Variants in LPP observed in about 807,000 individuals in gnomAD.
LPP encodes lipoma-preferred partner.
Under a neutral mutation model 60.4 loss-of-function variants are expected in LPP, and 38 were observed. The ratio of observed to expected loss-of-function variants is 0.63; its 90% CI spans 0.49 to 0.83. LPP has a LOEUF of 0.83. Among genes scored for constraint, LPP ranks in the 40% least tolerant of loss-of-function variants. The probability of loss-of-function intolerance (pLI) is 0.00; values close to 1 mark genes in which losing one functional copy is unlikely to be tolerated. For synonymous variants in LPP, 328 were observed against 290.8 expected, an observed-to-expected ratio of 1.13 and a Z score of -1.30; for missense variants, 902 against 783.6, an observed-to-expected ratio of 1.15 and a Z score of -1.80.
intron 4 of LPP, among the ~76,000 whole-genome samples, chr3:188,440,708 G>A (rs78606996): frequency 0.013 from 1,942 of 152,214 alleles, 22 homozygotes; most frequent in Admixed American, 0.019. Flanking sequence ...ATCTTAATTA[G>A]TATCATCACA....
At chr3:188,400,920 G>C (rs570357157) in intron 3 of LPP, among the ~76,000 whole-genome samples, 2 of 152,166 alleles carry the variant, frequency 1.3e-5, no homozygotes, top group Non-Finnish European at 2.9e-5. Context: ...ATATGTGCTA[G>C]TTCATCTGTT....
intron 7 of LPP, among the ~76,000 whole-genome samples, chr3:188,643,708 G>A (rs918895731): frequency 1.1e-4 from 16 of 152,152 alleles, no homozygotes; most frequent in African/African-American, 3.9e-4. Context: ...GGCAGACCAT[G>A]AGACACCCCT....
intron 2 of LPP, among the ~76,000 whole-genome samples, chr3:188,247,373 A>C (rs1405261045): frequency 6.6e-6 from 1 of 152,064 alleles, no homozygotes; most frequent in Non-Finnish European, 1.5e-5. Context: ...CACTGTGTTA[A>C]GGATGTTGTC....
At chr3:188,857,610 A>C (rs1764150050) in intron 9 of LPP, among the ~76,000 whole-genome samples, 1 of 152,242 alleles carries the variant, frequency 6.6e-6, no homozygotes. Flanking sequence ...ATGAAGAATT[A>C]AGAAATGTAT....
At chr3:188,334,711 G>A (rs938183994) in intron 2 of LPP, among the ~76,000 whole-genome samples, 1 of 152,160 alleles carries the variant, frequency 6.6e-6, no homozygotes, top group East Asian at 1.9e-4. Context: ...TTATAGGCCT[G>A]AGCCACCATG....
chr3:188,620,482 T>C (rs1845610041), intron 7 of LPP, among the ~76,000 whole-genome samples: 1 of 152,250 alleles, frequency 6.6e-6, no homozygotes, highest in South Asian at 2.1e-4. Flanking sequence ...TTGTAGCATA[T>C]GTGATTGCTG....
At chr3:188,747,146 C>A (rs1726498299) in intron 8 of LPP, among the ~76,000 whole-genome samples, 1 of 152,146 alleles carries the variant, frequency 6.6e-6, no homozygotes, top group African/African-American at 2.4e-5. Flanking sequence ...GCAAAACTTT[C>A]ATTGGTCCAG....
At chr3:188,837,772 G>A (rs1171806387) in intron 9 of LPP, among the ~76,000 whole-genome samples, 1 of 152,076 alleles carries the variant, frequency 6.6e-6, no homozygotes, top group Non-Finnish European at 1.5e-5. Context: ...AACTTAACAA[G>A]GATGCCTTAA....
chr3:188,666,547 A>C (rs1480599866), intron 7 of LPP, among the ~76,000 whole-genome samples: 1 of 152,236 alleles, frequency 6.6e-6, no homozygotes, highest in African/African-American at 2.4e-5. Flanking sequence ...CTTAATTTTA[A>C]ACACAGTATA....
chr3:188,639,431 A>G (rs1849577369), intron 7 of LPP, among the ~76,000 whole-genome samples: 1 of 151,784 alleles, frequency 6.6e-6, no homozygotes, highest in Non-Finnish European at 1.5e-5. Flanking sequence ...AAACCTAGGC[A>G]TTACCATTCA....
intron 1 of LPP, among the ~76,000 whole-genome samples, chr3:188,184,326 T>A (rs1577164888): frequency 6.6e-6 from 1 of 152,068 alleles, no homozygotes; most frequent in East Asian, 1.9e-4. Context: ...GGGCCCCAGA[T>A]GTGAGAACTT....
chr3:188,439,571 G>C (rs1426645262), intron 4 of LPP, among the ~76,000 whole-genome samples: 2 of 152,136 alleles, frequency 1.3e-5, no homozygotes, highest in African/African-American at 2.4e-5. Flanking sequence ...TTAAACCTGG[G>C]GACAGTTCAT....
intron 4 of LPP, among the ~76,000 whole-genome samples, chr3:188,426,177 A>C (rs1412223427): frequency 1.4e-5 from 2 of 146,882 alleles, no homozygotes; most frequent in East Asian, 3.8e-4. Flanking sequence ...GTTTCAAAGA[A>C]CTTATTTATT....
intron 7 of LPP, among the ~76,000 whole-genome samples, chr3:188,651,928 A>G (rs1852172081): frequency 6.6e-6 from 1 of 152,128 alleles, no homozygotes; most frequent in Non-Finnish European, 1.5e-5. Context: ...GTTGGTTGTA[A>G]TCATTATCTC....
chr3:188,628,844 C>G lies in LPP; in HGVS notation c.1113+19000C>G, dbSNP rs910581914. 6.6e-5 allele frequency among the ~76,000 whole-genome samples: 10 copies of G among 152,174 alleles called. No homozygotes were observed. The South Asian group carries it at 2.1e-3, about 32-fold the overall frequency. ...CCAATATCCTTGATGAACATAGACA[C>G]AAAAATCTTCAACAAAATACTAGCA... is the stretch of plus-strand genomic sequence containing the variant. On this transcript the variant is annotated intron_variant, in intron 7 of 11. Transcript: ENST00000617246.
At chr3:188,162,918 C>T (rs906214711) in intron 1 of LPP, among the ~76,000 whole-genome samples, 3 of 152,178 alleles carry the variant, frequency 2.0e-5, no homozygotes, top group Non-Finnish European at 4.4e-5. Flanking sequence ...TTGGTGGTCA[C>T]AGGCACTATT....
At position 188,610,967 on chromosome 3, in the gene LPP, T is replaced by C. The variant is rs937767705; in HGVS notation, c.1113+1123T>C. ...TGGGTAGAAGTTTGGACTGTATTTT[T>C]AAAAATTCTTTCCACATTTTTACAA... On this transcript the variant is annotated intron_variant, in intron 7 of 11. Transcript: ENST00000617246. This position sits in a 1 kb window ranked among gnomAD's most constrained non-coding sequence, Gnocchi z 4.4. 1.3e-5 allele frequency among the ~76,000 whole-genome samples: 2 copies of C among 152,216 alleles called. No individual in the cohort carries two copies. The highest frequency in any genetic ancestry group is 4.8e-5 in the African/African-American group (2 of 41,464).
chr3:188,611,009 A>G (rs1258368945), intron 7 of LPP, among the ~76,000 whole-genome samples: 1 of 152,196 alleles, frequency 6.6e-6, no homozygotes, highest in Non-Finnish European at 1.5e-5. Flanking sequence ...CCATTTCAAG[A>G]CAGATCTATT....
At chr3:188,288,834 C>CA (rs1744998736) in intron 2 of LPP, among the ~76,000 whole-genome samples, 2 of 127,940 alleles carry the variant, frequency 1.6e-5, no homozygotes, top group Non-Finnish European at 3.3e-5. Flanking sequence ...CACCCCCACC[C>CA]CCCCGCCCCT....
Sources: gnomAD v4.1 joint callset for allele counts (sites outside exome capture counted in the v4.1 genomes callset) on GRCh38, gnomAD v4.1.1 for gene constraint, Gnocchi (gnomAD v3.1) non-coding constraint, MANE v1.5 for transcripts, NCBI Gene and HGNC (gene_info 2026-07-23, HGNC 2026-07-21) for gene names.